Variants in ADGRB3 observed in about 807,000 individuals in gnomAD.
ADGRB3 encodes adhesion G protein-coupled receptor B3.
ADGRB3 carries 37 observed loss-of-function variants against 193.4 expected under a neutral mutation model. That is an observed-to-expected ratio of 0.19 (90% confidence interval 0.15 to 0.25). ADGRB3 has a LOEUF of 0.25. ADGRB3 is among the 10% of genes least tolerant of loss of function. The pLI is 1.00. For synonymous variants in ADGRB3, 690 were observed against 644.2 expected, an observed-to-expected ratio of 1.07 and a Z score of -1.08; for missense variants, 1,637 against 1,852.9, an observed-to-expected ratio of 0.88 and a Z score of 2.14.
Position 68,774,406 on chromosome 6 carries a change from T to C in ADGRB3, c.757+134974T>C, listed in dbSNP as rs140416907. 1.8e-3 allele frequency among the ~76,000 whole-genome samples: 269 copies of C among 150,682 alleles called. 3 individuals carry two copies. Among genetic ancestry groups the C allele is most frequent in the African/African-American group, 6.3e-3 (259 of 41,094 alleles). On this transcript the variant is annotated intron_variant, in intron 3 of 31. Transcript: ENST00000370598. ...TTTTTTTGGTGGGGGGAATATGAAA[T>C]TCCTAAAGTTTTCACGGTATTTTCT...
chr6:69,233,473 T>C lies in ADGRB3; in HGVS notation c.2607+57T>C, dbSNP rs1582565120. On this transcript the variant is annotated intron_variant, in intron 18 of 31. Transcript: ENST00000370598. ...GCAAAGACAGGGATATTGTGGCTAG[T>C]GTTTCTCCAGGGAACTGCATTTTAA... 1.9e-6 allele frequency: 3 copies of C among 1,605,014 alleles called. No individual in the cohort carries two copies. In the Admixed American group the frequency reaches 5.1e-5, roughly 27 times the overall value.
intron 3 of ADGRB3, among the ~76,000 whole-genome samples, chr6:68,766,940 CA>C (rs539923451): frequency 2.6e-5 from 4 of 151,642 alleles, no homozygotes; most frequent in Non-Finnish European, 4.4e-5. Flanking sequence ...CCATGGTTCT[CA>C]AAAAAAATTG....
chr6:68,850,029 G>A (rs556993487), intron 3 of ADGRB3, among the ~76,000 whole-genome samples: 29 of 147,716 alleles, frequency 2.0e-4, no homozygotes, highest in African/African-American at 7.1e-4. Context: ...TGTAATAGTG[G>A]TATTACCACT....
intron 13 of ADGRB3, among the ~76,000 whole-genome samples, chr6:69,031,571 C>CTTTCTTTCTCTCT (rs1337493560): frequency 1.1e-4 from 12 of 106,846 alleles, no homozygotes; most frequent in Non-Finnish European, 1.7e-4. Flanking sequence ...TTCTTTTCTT[C>CTTTCTTTCTCTCT]CTCTGTCTCT....
At chr6:68,993,715 G>A in intron 10 of ADGRB3, 53 bp from the exon 11 acceptor site, 2 of 1,525,422 alleles carry the variant, frequency 1.3e-6, no homozygotes, top group Non-Finnish European at 1.8e-6. Context: ...AAGTTATTCA[G>A]ATAAATGGTA....
At chr6:69,286,087 T>C (rs1767546537) in intron 20 of ADGRB3, among the ~76,000 whole-genome samples, 1 of 152,122 alleles carries the variant, frequency 6.6e-6, no homozygotes, top group Non-Finnish European at 1.5e-5. Context: ...TTCTACAAAA[T>C]AGTCTGCTGA....
chr6:68,978,860 C>A (rs1009691119), intron 10 of ADGRB3, among the ~76,000 whole-genome samples: 1 of 151,244 alleles, frequency 6.6e-6, no homozygotes, highest in Admixed American at 6.6e-5. Flanking sequence ...TTATAATCTA[C>A]TGTAGAAAAA....
intron 3 of ADGRB3, among the ~76,000 whole-genome samples, chr6:68,698,469 T>C (rs971544454): frequency 2.6e-5 from 4 of 151,982 alleles, no homozygotes; most frequent in African/African-American, 9.7e-5. Flanking sequence ...CTTAGGAAGG[T>C]TCGTGTATTA....
chr6:68,863,826 G>C (rs1440877384), intron 3 of ADGRB3, among the ~76,000 whole-genome samples: 1 of 152,030 alleles, frequency 6.6e-6, no homozygotes, highest in East Asian at 1.9e-4. Context: ...TTCTTAAAAG[G>C]TCATACCCTT....
At chr6:69,124,447 T>C in intron 17 of ADGRB3, among the ~76,000 whole-genome samples, 1 of 152,218 alleles carries the variant, frequency 6.6e-6, no homozygotes, top group East Asian at 1.9e-4. Flanking sequence ...TAATTTGCTC[T>C]GTGACCTTGA....
rs1440420450 is a variant in ADGRB3, at chr6:68,772,889, AAAAAAATATATATATATATATATAT to A, written c.757+133459_757+133483del. 1.8e-3 allele frequency among the ~76,000 whole-genome samples: 78 copies of A among 43,598 alleles called. 4 individuals are homozygous for A. The highest frequency in any genetic ancestry group is 8.8e-3 in the African/African-American group (49 of 5,578). 28.6% of individuals were successfully genotyped at this position (43,598 alleles called of 152,430 possible). A position where few individuals can be genotyped will look rare whatever the true frequency, so the allele number is the denominator to read the frequency against. ...AACAAACAAACAAACAAACAAAAAA[AAAAAAATATATATATATATATATAT>A]ATATATATATATATATATACATACA... On this transcript the variant is annotated intron_variant, in intron 3 of 31. Transcript: ENST00000370598.
intron 10 of ADGRB3, among the ~76,000 whole-genome samples, chr6:68,986,796 A>G (rs1769088931): frequency 1.3e-5 from 2 of 152,204 alleles, no homozygotes; most frequent in Non-Finnish European, 2.9e-5. Context: ...TGAAAATAAT[A>G]TATAAATATG....
At chr6:68,663,348 C>T (rs926433378) in intron 3 of ADGRB3, among the ~76,000 whole-genome samples, 1 of 151,426 alleles carries the variant, frequency 6.6e-6, no homozygotes, top group Non-Finnish European at 1.5e-5. Context: ...GTGTGATTTA[C>T]CAAATTTGCA....
At chr6:69,314,444 G>A (rs1214155134) in intron 20 of ADGRB3, among the ~76,000 whole-genome samples, 1 of 151,550 alleles carries the variant, frequency 6.6e-6, no homozygotes, top group Admixed American at 6.6e-5. Flanking sequence ...CTTCTGTTCA[G>A]AGTTAGTCTT....
At chr6:69,223,801 C>T (rs1411276103) in intron 17 of ADGRB3, among the ~76,000 whole-genome samples, 11 of 151,658 alleles carry the variant, frequency 7.3e-5, no homozygotes, top group Non-Finnish European at 1.3e-4. Flanking sequence ...GGAGTACAGG[C>T]AGGCACCACC....
chr6:69,002,333 C>G (rs1232570346), intron 11 of ADGRB3, among the ~76,000 whole-genome samples: 1 of 151,718 alleles, frequency 6.6e-6, no homozygotes, highest in African/African-American at 2.4e-5. Flanking sequence ...ATTCTCCTGC[C>G]TCAGCCTTTT....
intron 20 of ADGRB3, among the ~76,000 whole-genome samples, chr6:69,304,100 A>ATTTT (rs1561982212): frequency 6.6e-6 from 1 of 150,536 alleles, no homozygotes; most frequent in African/African-American, 2.4e-5. Flanking sequence ...GTTTTTTTTA[A>ATTTT]AAAAAAGAGG....
chr6:68,876,889 A>AT (rs748912111), intron 3 of ADGRB3, among the ~76,000 whole-genome samples: 1 of 151,666 alleles, frequency 6.6e-6, no homozygotes, highest in African/African-American at 2.4e-5. Flanking sequence ...GCTCTTACTG[A>AT]TTTTTTTCAA....
At chr6:68,787,415 G>C (rs1264280734) in intron 3 of ADGRB3, among the ~76,000 whole-genome samples, 1 of 151,844 alleles carries the variant, frequency 6.6e-6, no homozygotes, top group African/African-American at 2.4e-5. Context: ...AGATAATCAT[G>C]TGTTTTTTGT....
Sources: allele counts gnomAD v4.1 joint callset (sites outside exome capture counted in the v4.1 genomes callset), GRCh38; gene constraint gnomAD v4.1.1; transcripts MANE v1.5; gene names NCBI Gene and HGNC (gene_info 2026-07-23, HGNC 2026-07-21).